Variants in OTOF observed in about 807,000 individuals in gnomAD.
OTOF encodes the protein otoferlin, also known as fer-1-like family member 2.
OTOF carries 218 observed loss-of-function variants against 236.8 expected under a neutral mutation model. That is an observed-to-expected ratio of 0.92 (90% confidence interval 0.82 to 1.03). OTOF has a LOEUF of 1.03. Among genes scored for constraint, OTOF ranks in the 50% least tolerant of loss-of-function variants. The probability of loss-of-function intolerance (pLI) is 0.00; values close to 1 mark genes in which losing one functional copy is unlikely to be tolerated. For missense variants in OTOF, 2,590 were observed against 2,694.4 expected, an observed-to-expected ratio of 0.96 and a Z score of 0.86; for synonymous variants, 1,041 against 1,072.5, an observed-to-expected ratio of 0.97 and a Z score of 0.57.
intron 3 of OTOF, among the ~76,000 whole-genome samples, chr2:26,526,561 AG>A (rs776886193): frequency 1.5e-4 from 23 of 152,208 alleles, no homozygotes; most frequent in Non-Finnish European, 3.1e-4. Context: ...TTTCCCTTTC[AG>A]GCTCTCATCC....
intron 5 of OTOF, among the ~76,000 whole-genome samples, chr2:26,512,685 T>C (rs965189151): frequency 2.0e-5 from 3 of 152,086 alleles, no homozygotes; most frequent in Admixed American, 6.5e-5. Context: ...GCCCTTGGTA[T>C]AGGGTGGGGA....
At chr2:26,459,457 C>T (rs1020454704) in intron 46 of OTOF, among the ~76,000 whole-genome samples, 2 of 149,390 alleles carry the variant, frequency 1.3e-5, no homozygotes, top group African/African-American at 5.0e-5. Flanking sequence ...GAGGCTGAGG[C>T]AGGAGAATGG....
intron 1 of OTOF, among the ~76,000 whole-genome samples, chr2:26,550,104 GA>G (rs562983650): frequency 9.2e-4 from 127 of 138,076 alleles, no homozygotes; most frequent in East Asian, 5.4e-3. Context: ...AACTTCGGCT[GA>G]AAAAAAAAAA....
intron 1 of OTOF, among the ~76,000 whole-genome samples, chr2:26,552,280 C>G (rs2148136923): frequency 6.6e-6 from 1 of 152,182 alleles, no homozygotes; most frequent in East Asian, 1.9e-4. Context: ...GTCCTAGCTA[C>G]TCGGGAGGCT....
chr2:26,542,374 G>A (rs1299576834), intron 1 of OTOF, among the ~76,000 whole-genome samples: 1 of 152,176 alleles, frequency 6.6e-6, no homozygotes, highest in Admixed American at 6.6e-5. Flanking sequence ...GAATCTGAAC[G>A]ATGCCTTTAA....
intron 1 of OTOF, among the ~76,000 whole-genome samples, chr2:26,540,612 A>G (rs1424317034): frequency 6.6e-6 from 1 of 152,144 alleles, no homozygotes; most frequent in Non-Finnish European, 1.5e-5. Context: ...CCCAGGAGCT[A>G]GTCCTAGTTC....
Position 26,461,859 on chromosome 2 carries a change from G to C in OTOF, c.5370C>G (p.Asn1790Lys), listed in dbSNP as rs1664481437. ...AGTCGAAGGGGAACAGGTAGCGCCA[G>C]TTGAAGTTGCCCTCGCCAGTGAGGG... ...YHSLTGEGNF[N>K]WRYLFPFDYL... Residue 1790 changes from asparagine to lysine, a missense_variant, in exon 43 of 47, where the codon AAC becomes AAG. This residue lies in a region of OTOF where 1,211 missense variants were observed against 1,352.8 expected (regional missense o/e 0.90). Transcript: ENST00000272371. The surrounding 1 kb of genome is among the most constrained non-coding windows in gnomAD (Gnocchi z 6.2). 1.2e-6 allele frequency: 2 copies of C among 1,614,060 alleles called. No individual in the cohort carries two copies. The highest frequency in any genetic ancestry group is 1.7e-6 in the Non-Finnish European group (2 of 1,180,034).
At chr2:26,475,094 A>G (rs565024240) in intron 25 of OTOF, among the ~76,000 whole-genome samples, 1 of 152,190 alleles carries the variant, frequency 6.6e-6, no homozygotes, top group East Asian at 1.9e-4. Flanking sequence ...TAGTGACAGC[A>G]GGACTTGCTG....
chr2:26,466,329 G>GCTT (rs546471285), intron 36 of OTOF: 5 of 568,060 alleles, frequency 8.8e-6, no homozygotes, highest in East Asian at 3.1e-5. Context: ...TCAGTATGCA[G>GCTT]CTTCTTCTTC....
intron 8 of OTOF, 69 bp downstream of exon 8, chr2:26,501,685 G>T (rs1666118338): frequency 9.5e-7 from 1 of 1,055,998 alleles, no homozygotes; most frequent in Non-Finnish European, 1.5e-6. Context: ...AGTGGATAAT[G>T]CACATCCGGC....
chr2:26,549,619 C>T (rs957186939), intron 1 of OTOF, among the ~76,000 whole-genome samples: 30 of 152,202 alleles, frequency 2.0e-4, no homozygotes, highest in African/African-American at 6.5e-4. Flanking sequence ...TTTCTACCTC[C>T]ACTCATGTAT....
intron 11 of OTOF, among the ~76,000 whole-genome samples, chr2:26,485,904 C>G (rs1427293129): frequency 1.3e-5 from 2 of 152,222 alleles, no homozygotes; most frequent in Non-Finnish European, 2.9e-5. Flanking sequence ...CACTGGAGAA[C>G]CTCAGCCAGG....
chr2:26,494,722 A>G (rs1266896512), intron 9 of OTOF, among the ~76,000 whole-genome samples: 1 of 151,998 alleles, frequency 6.6e-6, no homozygotes, highest in East Asian at 1.9e-4. Flanking sequence ...TGTACGCTTC[A>G]AAGACCAGTG....
At chr2:26,526,151 G>GGATGGAA (rs1210186386) in intron 3 of OTOF, among the ~76,000 whole-genome samples, 5 of 149,874 alleles carry the variant, frequency 3.3e-5, no homozygotes, top group Non-Finnish European at 7.4e-5. Flanking sequence ...ATGGATGAGT[G>GGATGGAA]GATGGAAGGA....
At chr2:26,482,224 G>C (rs989950371) in intron 14 of OTOF, among the ~76,000 whole-genome samples, 182 bp downstream of exon 14, 6 of 152,110 alleles carry the variant, frequency 3.9e-5, no homozygotes, top group Non-Finnish European at 7.4e-5. Flanking sequence ...GCTCTGAGCC[G>C]ACCTGAGCCA....
chr2:26,525,949 C>G (rs192144199), intron 3 of OTOF, among the ~76,000 whole-genome samples: 48 of 151,788 alleles, frequency 3.2e-4, no homozygotes, highest in African/African-American at 1.0e-3. Context: ...TAGCTGGGCA[C>G]GGTGGTGAGC....
At chr2:26,502,195 G>T in intron 7 of OTOF, 105 bp downstream of exon 7, 2 of 1,247,134 alleles carry the variant, frequency 1.6e-6, no homozygotes, top group Non-Finnish European at 2.3e-6. Context: ...GGAAGAAGCC[G>T]TCCATGAGCC....
intron 5 of OTOF, among the ~76,000 whole-genome samples, chr2:26,511,983 G>A (rs539702317): frequency 8.5e-5 from 13 of 152,228 alleles, no homozygotes; most frequent in African/African-American, 1.9e-4. Context: ...CCATGCACAC[G>A]TGCCCCACTG....
rs1250258681 is a variant in OTOF, at chr2:26,498,671, G to T, written c.765+3083C>A. ...TACTCCCCAGTGGCTTCATGAAAGC[G>T]ATCACAAGGAATAATGCTGAGTGGT... On this transcript the variant is annotated intron_variant, in intron 8 of 46. Coordinates refer to ENST00000272371, the MANE Select transcript of OTOF (RefSeq NM_194248.3). Among the ~76,000 whole-genome samples, 6 of 152,218 alleles carry T rather than the reference G, an allele frequency of 3.9e-5. No individual in the cohort carries two copies. The East Asian group carries it at 1.2e-3, about 29-fold the overall frequency.
Sources: gnomAD v4.1 joint callset for allele counts (sites outside exome capture counted in the v4.1 genomes callset) on GRCh38, gnomAD v4.1.1 for gene constraint, gnomAD v4.1.1 regional missense constraint, Gnocchi (gnomAD v3.1) non-coding constraint, MANE v1.5 for transcripts, NCBI Gene and HGNC (gene_info 2026-07-23, HGNC 2026-07-21) for gene names.